CCDC126: variants seen among roughly 807,000 people sequenced by gnomAD.
CCDC126 encodes coiled-coil domain containing 126.
Under a neutral mutation model 11.7 loss-of-function variants are expected in CCDC126, and 5 were observed. The observed-to-expected ratio is 0.43, with a 90% CI of 0.22 to 0.90. The LOEUF (loss-of-function observed/expected upper bound fraction) is 0.90, where lower values mean the gene tolerates loss of function less well. Among genes scored for constraint, CCDC126 ranks in the 40% least tolerant of loss-of-function variants. The pLI, the probability that CCDC126 is intolerant of heterozygous loss-of-function variation, is 0.27. For missense variants in CCDC126, 150 were observed against 163.1 expected, an observed-to-expected ratio of 0.92 and a Z score of 0.44; for synonymous variants, 60 against 61.9, an observed-to-expected ratio of 0.97 and a Z score of 0.14.
chr7:23,607,542 T>C (rs771125018), intron 2 of CCDC126, among the ~76,000 whole-genome samples: 5 of 152,248 alleles, frequency 3.3e-5, no homozygotes, highest in Admixed American at 6.5e-5. Context: ...AAATTAAAAG[T>C]ACATAAGTAA....
At position 23,597,587 on chromosome 7, in the gene CCDC126, A is replaced by T. The variant is rs1031201727; in HGVS notation, c.-249A>T. ...AAGCTCCGTGGCGGCGGCGACCGTGACGAGAAGCCCACGGCCAGGTAATGA... is the reference window on the plus strand; with the variant it reads ...AAGCTCCGTGGCGGCGGCGACCGTGTCGAGAAGCCCACGGCCAGGTAATGA... On this transcript the variant is annotated 5_prime_UTR_variant, in exon 1 of 4. Coordinates refer to ENST00000307471, the MANE Select transcript of CCDC126 (RefSeq NM_138771.4). 1 of 152,162 alleles carries T rather than the reference A, an allele frequency of 6.6e-6. No individual in the cohort carries two copies. The highest frequency in any genetic ancestry group is 2.4e-5 in the African/African-American group (1 of 41,422). The allele number at this position is 152,162 out of a possible 1,614,324, so 9.4% of individuals were successfully genotyped here.
intron 3 of CCDC126, among the ~76,000 whole-genome samples, chr7:23,619,751 G>A (rs1488165836): frequency 8.8e-6 from 1 of 113,258 alleles, no homozygotes; most frequent in Non-Finnish European, 1.7e-5. Flanking sequence ...CCCACAATAG[G>A]CCCTGGTGTG....
At chr7:23,611,651 G>A in intron 3 of CCDC126, 98 bp downstream of exon 3, 1 of 800,458 alleles carries the variant, frequency 1.2e-6, no homozygotes. Context: ...TCTTTGCAAA[G>A]TAATTTTTTC....
chr7:23,625,081 C>A (rs935114474), intron 3 of CCDC126, among the ~76,000 whole-genome samples: 1 of 152,156 alleles, frequency 6.6e-6, no homozygotes, highest in African/African-American at 2.4e-5. Flanking sequence ...TGGAATCAAG[C>A]GATCCTCCCA....
intron 3 of CCDC126, among the ~76,000 whole-genome samples, chr7:23,618,160 A>G (rs1460748802): frequency 6.6e-6 from 1 of 152,224 alleles, no homozygotes; most frequent in Non-Finnish European, 1.5e-5. Flanking sequence ...AATATGCAGA[A>G]TATTGCCAAC....
chr7:23,627,376 T>A (rs1279170976), intron 3 of CCDC126, among the ~76,000 whole-genome samples: 2 of 151,516 alleles, frequency 1.3e-5, no homozygotes, highest in Non-Finnish European at 2.9e-5. Flanking sequence ...TTGCGGTGGC[T>A]CACCTGTAAT....
chr7:23,611,241 T>G lies in CCDC126; in HGVS notation c.-75T>G. On this transcript the variant is annotated 5_prime_UTR_variant, in exon 3 of 4. Coordinates refer to ENST00000307471, the MANE Select transcript of CCDC126 (RefSeq NM_138771.4). ...ATATTGAGGATATTTTTTTCTTTTT[T>G]TTTTCAAGTCTTGATTTGTGGCTTA... 1 of 888,250 alleles carries G rather than the reference T, an allele frequency of 1.1e-6. No individual in the cohort carries two copies. The highest frequency in any genetic ancestry group is 2.1e-5 in the Admixed American group (1 of 47,612). 55.0% of individuals were successfully genotyped at this position (888,250 alleles called of 1,614,324 possible). A position where few individuals can be genotyped will look rare whatever the true frequency, so the allele number is the denominator to read the frequency against.
Position 23,611,870 on chromosome 7 carries a change from G to A in CCDC126, c.238+317G>A, listed in dbSNP as rs557868539. Reference sequence around the variant, plus strand: ...AAAAAATGTATGTTGGAGGCCGGGCGTGATGGCTCACGCCTGTAATCCCAG... The same window carrying A: ...AAAAAATGTATGTTGGAGGCCGGGCATGATGGCTCACGCCTGTAATCCCAG... On this transcript the variant is annotated intron_variant, in intron 3 of 3. Coordinates refer to ENST00000307471, the MANE Select transcript of CCDC126 (RefSeq NM_138771.4). Among the ~76,000 whole-genome samples, 329 of 152,318 alleles carry A rather than the reference G, an allele frequency of 2.2e-3. 4 individuals are homozygous for A. Among genetic ancestry groups the A allele is most frequent in the South Asian group, 0.014 (67 of 4,824 alleles).
intron 3 of CCDC126, among the ~76,000 whole-genome samples, chr7:23,635,800 C>T (rs1442021849): frequency 6.6e-6 from 1 of 152,092 alleles, no homozygotes; most frequent in African/African-American, 2.4e-5. Context: ...ATTCTCACAC[C>T]TCAGTTTAAT....
intron 3 of CCDC126, among the ~76,000 whole-genome samples, chr7:23,629,314 C>A (rs998475489): frequency 6.6e-6 from 1 of 152,208 alleles, no homozygotes; most frequent in African/African-American, 2.4e-5. Context: ...TTCCACCCCT[C>A]TGCCATGTCA....
intron 3 of CCDC126, among the ~76,000 whole-genome samples, chr7:23,630,751 C>G (rs930016951): frequency 7.5e-6 from 1 of 133,424 alleles, no homozygotes; most frequent in African/African-American, 2.7e-5. Context: ...AAAAAAAGTC[C>G]ATAGAATATT....
At chr7:23,611,652 T>G (rs1260439291) in intron 3 of CCDC126, 99 bp downstream of exon 3, 1 of 783,918 alleles carries the variant, frequency 1.3e-6, no homozygotes, top group African/African-American at 1.7e-5. Context: ...CTTTGCAAAG[T>G]AATTTTTTCT....
At chr7:23,617,930 G>A (rs533547899) in intron 3 of CCDC126, among the ~76,000 whole-genome samples, 7 of 152,278 alleles carry the variant, frequency 4.6e-5, no homozygotes, top group South Asian at 2.1e-4. Context: ...TTTGGTATCC[G>A]TGGTGGGTCC....
At chr7:23,633,143 T>C (rs1783144720) in intron 3 of CCDC126, among the ~76,000 whole-genome samples, 1 of 150,946 alleles carries the variant, frequency 6.6e-6, no homozygotes, top group Non-Finnish European at 1.5e-5. Flanking sequence ...CAGGCATGGG[T>C]CACCACACTC....
intron 2 of CCDC126, among the ~76,000 whole-genome samples, chr7:23,602,425 A>G (rs10251342): frequency 4.9e-4 from 75 of 152,362 alleles, no homozygotes; most frequent in African/African-American, 1.5e-3. Flanking sequence ...AAACACCACC[A>G]TATCAGATCA....
chr7:23,634,167 C>T (rs1783163008), intron 3 of CCDC126, among the ~76,000 whole-genome samples: 1 of 152,120 alleles, frequency 6.6e-6, no homozygotes, highest in South Asian at 2.1e-4. Flanking sequence ...AAAGTACGGC[C>T]AGGCCTGATG....
chr7:23,615,274 G>C (rs1782778264), intron 3 of CCDC126, among the ~76,000 whole-genome samples: 2 of 152,172 alleles, frequency 1.3e-5, no homozygotes. Context: ...AGCAACCTCT[G>C]CTAGCTTCCA....
At chr7:23,638,741 A>C (rs1455708986) in intron 3 of CCDC126, among the ~76,000 whole-genome samples, 168 of 140,268 alleles carry the variant, frequency 1.2e-3, no homozygotes, top group African/African-American at 3.7e-3. Context: ...AAAAAAAAAA[A>C]AAAAACCAAA....
chr7:23,601,523 G>A (rs575195721), intron 2 of CCDC126, among the ~76,000 whole-genome samples: 1 of 152,296 alleles, frequency 6.6e-6, no homozygotes, highest in East Asian at 1.9e-4. Context: ...ATTGCTCATT[G>A]CAAACTGTTG....
Sources: allele counts gnomAD v4.1 joint callset (sites outside exome capture counted in the v4.1 genomes callset), GRCh38; gene constraint gnomAD v4.1.1; transcripts MANE v1.5; gene names NCBI Gene and HGNC (gene_info 2026-07-23, HGNC 2026-07-21).